XKRX: variants seen among roughly 807,000 people sequenced by gnomAD.
The protein encoded by XKRX is XK related X-linked.
Under a neutral mutation model 22.4 loss-of-function variants are expected in XKRX, and 11 were observed. The ratio of observed to expected loss-of-function variants is 0.49; its 90% CI spans 0.31 to 0.81. The LOEUF is 0.81. XKRX is among the 40% of genes least tolerant of loss of function. XKRX has a pLI of 0.05. For missense variants in XKRX, 320 were observed against 336.5 expected (o/e 0.95, Z 0.38); for synonymous variants, 114 against 132.2 (o/e 0.86, Z 0.94).
In XKRX at chrX:100,914,938, C is replaced by T. The variant is rs751843309; in HGVS notation, c.750G>A (p.Glu250=). The change falls in exon 3 of 3, where the codon GAG becomes GAA. Residue 250 remains glutamate, a synonymous_variant. Transcript: ENST00000372956. Reference sequence around the variant, plus strand: ...CCAGAATCAGGAGGCGGGAAGTGATCTCCAATGTCCGCCAGATGGTGATGC... The same window carrying T: ...CCAGAATCAGGAGGCGGGAAGTGATTTCCAATGTCCGCCAGATGGTGATGC... ...VLCITIWRTL[E]ITSRLLILVL... 3 of 1,211,735 alleles carry T rather than the reference C, an allele frequency of 2.5e-6. No homozygotes were observed. Among genetic ancestry groups the T allele is most frequent in the South Asian group, 1.8e-5 (1 of 56,968 alleles).
chrX:100,939,250 A>G, the XKRX span, among the ~76,000 whole-genome samples: 1 of 112,034 alleles, frequency 8.9e-6, no homozygotes, highest in Non-Finnish European at 1.9e-5. Context: ...CAGGGAATAT[A>G]TGTATTAATC....
At position 100,927,987 on chromosome X, in the gene XKRX, G is replaced by C. The variant is rs769866123; in HGVS notation, c.318C>G (p.Leu106=). Residue 106 remains leucine, a synonymous_variant, in exon 1 of 3, where the codon CTC becomes CTG. Transcript: ENST00000372956. ...KPLSLFMHLI[L]LGPVIRCLEA... ...TTGCTCACCTGATAACAGGTCCCAAGAGGATTAGATGCATAAATAATGATA... is the reference window on the plus strand; with the variant it reads ...TTGCTCACCTGATAACAGGTCCCAACAGGATTAGATGCATAAATAATGATA... 8.3e-7 allele frequency: 1 copy of C among 1,197,661 alleles called. No homozygotes were observed. The highest frequency in any genetic ancestry group is 1.8e-5 in the African/African-American group (1 of 56,565).
the XKRX span, among the ~76,000 whole-genome samples, chrX:100,891,037 T>A: frequency 9.0e-6 from 1 of 111,705 alleles, no homozygotes; most frequent in Non-Finnish European, 1.9e-5. Context: ...CATTTCTAAT[T>A]GAATGTAGTC....
chrX:100,922,464 G>A (rs2085477782), intron 2 of XKRX, among the ~76,000 whole-genome samples: 1 of 111,672 alleles, frequency 9.0e-6, no homozygotes, highest in African/African-American at 3.3e-5. Context: ...GACATTTTTA[G>A]TCTAAACAGC....
chrX:100,945,247 T>C, the XKRX span, among the ~76,000 whole-genome samples: 2 of 55,383 alleles, frequency 3.6e-5, no homozygotes, highest in East Asian at 1.4e-3. Flanking sequence ...ACCTGGGTGA[T>C]ACACACACAC....
At chrX:100,945,622 T>A in the XKRX span, among the ~76,000 whole-genome samples, 1 of 110,340 alleles carries the variant, frequency 9.1e-6, no homozygotes, top group Non-Finnish European at 1.9e-5. Flanking sequence ...GTTCCACTGT[T>A]TTTTAGCTAT....
At chrX:100,915,768 T>C (rs547288085) in intron 2 of XKRX, among the ~76,000 whole-genome samples, 6 of 108,946 alleles carry the variant, frequency 5.5e-5, no homozygotes, top group African/African-American at 2.0e-4. Context: ...AACTCTGCCA[T>C]CCGTGACAAC....
At chrX:100,915,132 G>C in intron 2 of XKRX, 49 bp from the exon 3 acceptor site, 1 of 1,161,935 alleles carries the variant, frequency 8.6e-7, no homozygotes, top group Non-Finnish European at 1.2e-6. Context: ...GTCAATGTTG[G>C]TAATGAAGGC....
At chrX:100,906,473 G>A in the XKRX span, among the ~76,000 whole-genome samples, 1 of 111,562 alleles carries the variant, frequency 9.0e-6, no homozygotes, top group African/African-American at 3.3e-5. Context: ...ACTGCATCTT[G>A]CCAGTTTTAC....
upstream of XKRX, among the ~76,000 whole-genome samples, chrX:100,934,047 G>A (rs1003878761): frequency 3.6e-5 from 4 of 110,566 alleles, no homozygotes; most frequent in African/African-American, 6.6e-5. Context: ...CCCACTCCTC[G>A]CAGCACTAGG....
chrX:100,907,984 T>G, the XKRX span, among the ~76,000 whole-genome samples: 4 of 112,027 alleles, frequency 3.6e-5, no homozygotes, highest in Admixed American at 2.9e-4. Flanking sequence ...GTTAAAACAA[T>G]GCAAATCCAT....
downstream of XKRX, chrX:100,910,753 G>A: frequency 4.0e-6 from 3 of 746,409 alleles, no homozygotes; most frequent in East Asian, 9.7e-5. Context: ...TAAACGCTAT[G>A]GATATCGTTT....
downstream of XKRX, among the ~76,000 whole-genome samples, chrX:100,909,772 G>A (rs1458192416): frequency 3.7e-5 from 4 of 109,443 alleles, no homozygotes; most frequent in East Asian, 2.9e-4. Context: ...GCATGATGGC[G>A]GGTGCCTGTA....
chrX:100,901,955 T>C, the XKRX span, among the ~76,000 whole-genome samples: 48 of 108,382 alleles, frequency 4.4e-4, no homozygotes, highest in African/African-American at 1.5e-3. Flanking sequence ...GCTGAGATTG[T>C]GCCATTGCAC....
the XKRX span, among the ~76,000 whole-genome samples, chrX:100,907,852 C>T: frequency 9.0e-6 from 1 of 111,528 alleles, no homozygotes; most frequent in African/African-American, 3.3e-5. Context: ...TTATCTCCCA[C>T]ATCTCTTACA....
chrX:100,905,463 A>G, the XKRX span, among the ~76,000 whole-genome samples: 1 of 112,402 alleles, frequency 8.9e-6, no homozygotes, highest in Non-Finnish European at 1.9e-5. Flanking sequence ...TACTTTTTAA[A>G]GCAATGTATT....
At chrX:100,919,345 T>C (rs2085460600) in intron 2 of XKRX, among the ~76,000 whole-genome samples, 1 of 111,848 alleles carries the variant, frequency 8.9e-6, no homozygotes. Context: ...CAATAAAGAA[T>C]TTGAATACAT....
chrX:100,897,589 A>ATGTG, the XKRX span, among the ~76,000 whole-genome samples: 1 of 41,997 alleles, frequency 2.4e-5, no homozygotes, highest in Non-Finnish European at 4.2e-5. Context: ...CCACAAATAT[A>ATGTG]TATATGTGTG....
chrX:100,897,282 A>C, the XKRX span, among the ~76,000 whole-genome samples: 15 of 111,256 alleles, frequency 1.3e-4, no homozygotes, highest in Admixed American at 6.8e-4. Flanking sequence ...TATATTTTTC[A>C]CATTTAAAAA....
Sources: gnomAD v4.1 joint callset for allele counts (sites outside exome capture counted in the v4.1 genomes callset) on GRCh38, gnomAD v4.1.1 for gene constraint, MANE v1.5 for transcripts, NCBI Gene and HGNC (gene_info 2026-07-23, HGNC 2026-07-21) for gene names.